The following PABPN1L variants were observed in gnomAD, a reference collection of about 807,000 sequenced individuals.
PABPN1L encodes embryonic polyadenylate-binding protein 2.
PABPN1L carries 45 observed loss-of-function variants against 34.0 expected under a neutral mutation model. That is an observed-to-expected ratio of 1.32 (90% CI 1.04 to 1.70). PABPN1L has a LOEUF of 1.70. PABPN1L is among the 40% of genes most tolerant of loss of function. The pLI, the probability that PABPN1L is intolerant of heterozygous loss-of-function variation, is 0.00. For synonymous variants in PABPN1L, 182 were observed against 152.1 expected, an observed-to-expected ratio of 1.20 and a Z score of -1.45; for missense variants, 459 against 367.8, an observed-to-expected ratio of 1.25 and a Z score of -2.03.
exon 1 of PABPN1L, chr16:88,866,593 G>C (rs781399806): frequency 2.6e-6 from 4 of 1,548,296 alleles, no homozygotes; most frequent in African/African-American, 1.4e-5. Flanking sequence ...AGAGCGGCTC[G>C]GGAAGGGCCA....
At chr16:88,863,920 G>T in intron 6 of PABPN1L, 125 bp from the exon 7 acceptor site, 2 of 1,014,860 alleles carry the variant, frequency 2.0e-6, no homozygotes, top group African/African-American at 1.6e-5. Flanking sequence ...AATGCCCCAG[G>T]GGCCTTTCTG....
exon 6 of PABPN1L, chr16:88,864,321 CGAA>C: frequency 6.4e-7 from 1 of 1,555,280 alleles, no homozygotes; most frequent in Non-Finnish European, 8.7e-7. Flanking sequence ...TGGGTGTCCT[CGAA>C]GGCCCCCGCG....
chr16:88,864,148 T>G, intron 6 of PABPN1L, 89 bp downstream of exon 6: 5 of 1,435,802 alleles, frequency 3.5e-6, no homozygotes, highest in Non-Finnish European at 2.8e-6. Context: ...TGCAGCCCCA[T>G]GAGGAACGAG....
At chr16:88,865,723 C>T (rs918716454) in intron 2 of PABPN1L, 83 bp downstream of exon 2, 5 of 1,553,478 alleles carry the variant, frequency 3.2e-6, no homozygotes, top group Non-Finnish European at 4.4e-6. Flanking sequence ...GGAGGTGACA[C>T]CTTGGAGCCT....
chr16:88,866,248 C>A, intron 1 of PABPN1L, 104 bp downstream of exon 1: 1 of 1,454,332 alleles, frequency 6.9e-7, no homozygotes, highest in South Asian at 1.4e-5. Flanking sequence ...GGCCCTCTCC[C>A]CTCCTAAGTC....
Position 88,866,556 on chromosome 16 carries a change from C to T in PABPN1L, c.51G>A (p.Trp17Ter), listed in dbSNP as rs1405506073. 34 of 1,552,732 alleles carry T rather than the reference C, an allele frequency of 2.2e-5. No homozygotes were observed. The highest frequency in any genetic ancestry group is 2.9e-5 in the Non-Finnish European group (33 of 1,148,162). The stretch of plus-strand genomic sequence containing the variant: ...CAGGGTCTGAGGAGACCGTCTGGAG[C>T]CAGGCCTGAGTCGGGGGTGGGAAGA... Residue 17 changes from tryptophan (W) to a stop codon, truncating the protein, a stop_gained, in exon 1 of 7, where the codon TGG (tryptophan) becomes TGA (stop). Coordinates refer to ENST00000419291, the Ensembl canonical transcript of PABPN1L. LOFTEE classifies it high-confidence loss of function.
chr16:88,867,314 G>C (rs1567565434), upstream of PABPN1L, among the ~76,000 whole-genome samples: 1 of 149,788 alleles, frequency 6.7e-6, no homozygotes, highest in Non-Finnish European at 1.5e-5. Flanking sequence ...GGCAACCTTT[G>C]CCTCCCAGGT....
upstream of PABPN1L, among the ~76,000 whole-genome samples, chr16:88,868,666 C>T (rs150563288): frequency 2.7e-4 from 41 of 151,918 alleles, no homozygotes; most frequent in African/African-American, 8.9e-4. Flanking sequence ...AGGGAAAGAG[C>T]GGGCAGGAGG....
At chr16:88,865,921 C>T (rs760585479) in exon 2 of PABPN1L, 2 of 1,608,250 alleles carry the variant, frequency 1.2e-6, no homozygotes. Flanking sequence ...CACACACCTT[C>T]ATCTTGATGG....
chr16:88,865,426 C>G lies in PABPN1L; in HGVS notation c.459+137G>C, dbSNP rs111777514. 9.1e-6 allele frequency: 10 copies of G among 1,104,288 alleles called. No individual in the cohort carries two copies. The African/African-American group carries it at 9.6e-5, about 11-fold the overall frequency. 68.4% of individuals were successfully genotyped at this position (1,104,288 alleles called of 1,614,324 possible). On this transcript the variant is annotated intron_variant, in intron 3 of 6. Transcript: ENST00000419291. The stretch of plus-strand genomic sequence containing the variant: ...GGAATATGTGCCCAGGCCAGTGTTT[C>G]CTCAAGGTGACGGGGCTGCCCCCAG...
chr16:88,863,618 G>T (rs1968499973), exon 7 of PABPN1L: 6 of 1,115,718 alleles, frequency 5.4e-6, no homozygotes, highest in Non-Finnish European at 7.8e-6. Flanking sequence ...CCGCCAAGAG[G>T]GGGCCAGTGG....
At chr16:88,864,929 A>G (rs1319909112) in exon 5 of PABPN1L, 3 of 1,125,118 alleles carry the variant, frequency 2.7e-6, no homozygotes, top group South Asian at 1.2e-5. Flanking sequence ...GGCAAACTCT[A>G]TGTAGGCATA....
At chr16:88,866,818 A>G (rs1968615070), upstream of PABPN1L, among the ~76,000 whole-genome samples, 1 of 151,724 alleles carries the variant, frequency 6.6e-6, no homozygotes, top group South Asian at 2.1e-4. Flanking sequence ...CCTCCAGGAC[A>G]CTCTCCCTGG....
At chr16:88,865,466 C>A in intron 3 of PABPN1L, 97 bp downstream of exon 3, 1 of 1,471,126 alleles carries the variant, frequency 6.8e-7, no homozygotes, top group Non-Finnish European at 9.2e-7. Context: ...AGACCCCCTT[C>A]CCAGCAAGGC....
At chr16:88,868,860 G>C (rs1442283196), upstream of PABPN1L, among the ~76,000 whole-genome samples, 1 of 152,202 alleles carries the variant, frequency 6.6e-6, no homozygotes, top group African/African-American at 2.4e-5. Context: ...CTGCCACAGG[G>C]AATAGGAAGC....
upstream of PABPN1L, among the ~76,000 whole-genome samples, chr16:88,867,304 G>A (rs1038011358): frequency 2.7e-5 from 4 of 150,660 alleles, no homozygotes; most frequent in Admixed American, 6.6e-5. Flanking sequence ...CTCGGCTCAC[G>A]GCAACCTTTG....
rs763845153 is a variant in PABPN1L, at chr16:88,866,344, G to A, written c.255+8C>T. Reference sequence around the variant, plus strand: ...CTGAGATCCCCAGGGCCTCCACACAGCTGTTACCTGGTCAGGCAATGGGCA... The same window carrying A: ...CTGAGATCCCCAGGGCCTCCACACAACTGTTACCTGGTCAGGCAATGGGCA... On this transcript the variant is annotated splice_region_variant and intron_variant, in intron 1 of 6. Transcript: ENST00000419291. 6.5e-7 allele frequency: 1 copy of A among 1,548,238 alleles called. No individual in the cohort carries two copies. The highest frequency in any genetic ancestry group is 1.2e-5 in the South Asian group (1 of 83,980).
chr16:88,865,225 C>T lies in PABPN1L; in HGVS notation c.460-97G>A, dbSNP rs1968561442. 20 of 1,332,864 alleles carry T rather than the reference C, an allele frequency of 1.5e-5. No homozygotes were observed. The South Asian group carries it at 2.4e-4, about 16-fold the overall frequency. 82.6% of individuals were successfully genotyped at this position (1,332,864 alleles called of 1,614,324 possible). ...AGGAAAGAAACCCCAAGGCTGGGCC[C>T]CGTGGCGGGGATGGCCCCAGGCCTC... is the stretch of plus-strand genomic sequence containing the variant. On this transcript the variant is annotated intron_variant, in intron 3 of 6. Coordinates refer to ENST00000419291, the Ensembl canonical transcript of PABPN1L.
At chr16:88,868,422 G>T (rs557178524), upstream of PABPN1L, among the ~76,000 whole-genome samples, 1 of 152,126 alleles carries the variant, frequency 6.6e-6, no homozygotes, top group South Asian at 2.1e-4. Flanking sequence ...GGCCAACATG[G>T]TGAAACCCTG....
Sources: allele counts gnomAD v4.1 joint callset (sites outside exome capture counted in the v4.1 genomes callset), GRCh38; gene constraint gnomAD v4.1.1; transcripts MANE v1.5; gene names NCBI Gene and HGNC (gene_info 2026-07-23, HGNC 2026-07-21).